Variants in SRRM2 observed in about 807,000 individuals in gnomAD.
SRRM2 encodes the protein serine/arginine repetitive matrix 2.
SRRM2 carries 30 observed loss-of-function variants against 213.8 expected under a neutral mutation model. The ratio of observed to expected loss-of-function variants is 0.14; its 90% confidence interval spans 0.10 to 0.19. The LOEUF is 0.19. SRRM2 is among the 10% of genes least tolerant of loss of function. SRRM2 has a pLI of 1.00. For synonymous variants in SRRM2, 2,025 were observed against 1,377.7 expected, an observed-to-expected ratio of 1.47 and a Z score of -10.40; for missense variants, 4,904 against 3,647.0, an observed-to-expected ratio of 1.34 and a Z score of -8.88.
At chr16:2,753,629 CAT>C (rs767893757) in intron 1 of SRRM2, 3 of 152,186 alleles carry the variant, frequency 2.0e-5, no homozygotes, top group East Asian at 1.9e-4. Flanking sequence ...ACGCCAGACT[CAT>C]ATATAAGTTT....
intron 1 of SRRM2, among the ~76,000 whole-genome samples, chr16:2,754,204 T>A (rs1423041504): frequency 6.6e-6 from 1 of 152,154 alleles, no homozygotes; most frequent in East Asian, 1.9e-4. Flanking sequence ...GTCGTCGTCT[T>A]TTTTTGTGGG....
In SRRM2 at chr16:2,757,861, C is replaced by G. The variant is rs1224478693; in HGVS notation, c.431C>G (p.Ser144Cys). Residue 144 changes from serine to cysteine, a missense_variant, in exon 4 of 15, where the codon TCT becomes TGT. By Grantham distance (112) the Ser-to-Cys change is moderately radical. Coordinates refer to ENST00000301740, the MANE Select transcript of SRRM2 (RefSeq NM_016333.4). Reference protein sequence around the residue: ...RLRAAFGISDSYVDGSSFDPQ... With the variant: ...RLRAAFGISDCYVDGSSFDPQ... ...CGTGCTGCCTTTGGCATCAGTGATT[C>G]TTACGTAGATGGCAGCTCTTTTGAT... 6.2e-7 allele frequency: 1 copy of G among 1,614,136 alleles called. No individual in the cohort carries two copies. The highest frequency in any genetic ancestry group is 8.5e-7 in the Non-Finnish European group (1 of 1,180,014).
chr16:2,764,358 G>T lies in SRRM2; in HGVS notation c.3830G>T (p.Arg1277Met), dbSNP rs2150777121. 1.2e-6 allele frequency: 2 copies of T among 1,614,174 alleles called. No individual in the cohort carries two copies. Among genetic ancestry groups the T allele is most frequent in the Middle Eastern group, 1.6e-4 (1 of 6,062 alleles). Reference protein sequence around the residue: ...NFESSPEVEERPAVSLTLDQS... With the variant: ...NFESSPEVEEMPAVSLTLDQS... ...GAATCATCTCCTGAAGTAGAAGAAA[G>T]GCCTGCTGTGTCTTTGACTCTTGAT... The change falls in exon 11 of 15, where the codon AGG becomes ATG. Residue 1277 changes from arginine to methionine, a missense_variant. Coordinates refer to ENST00000301740, the MANE Select transcript of SRRM2 (RefSeq NM_016333.4).
Position 2,767,931 on chromosome 16 carries a change from C to G in SRRM2, c.7403C>G (p.Pro2468Arg). ...CGTTGTTTGATTGCCCAGACCACCC[C>G]TGTAGCAGGGTCTCAGTCCCTTTCC... ...QSRCLIAQTT[P>R]VAGSQSLSSG... Residue 2468 changes from proline (P) to arginine (R), a missense_variant, in exon 11 of 15, where the codon CCT (proline) becomes CGT (arginine). Pro to Arg is a moderately radical substitution (Grantham distance 103). Transcript: ENST00000301740. 6.2e-7 allele frequency: 1 copy of G among 1,614,216 alleles called. No homozygotes were observed. The highest frequency in any genetic ancestry group is 8.5e-7 in the Non-Finnish European group (1 of 1,180,040).
In SRRM2 at chr16:2,764,456, T is replaced by A. The variant is rs1291087043; in HGVS notation, c.3928T>A (p.Phe1310Ile). 8 of 1,612,958 alleles carry A rather than the reference T, an allele frequency of 5.0e-6. No individual in the cohort carries two copies. Among genetic ancestry groups the A allele is most frequent in the Non-Finnish European group, 6.8e-6 (8 of 1,179,734 alleles). Residue 1310 changes from phenylalanine to isoleucine, a missense_variant, in exon 11 of 15, where the codon TTT becomes ATT. Physicochemically the swap from Phe to Ile is conservative, Grantham distance 21. Transcript: ENST00000301740. ...GGCCTCATCTTGGGGTGGGCCACAT[T>A]TTTCTCCAGAACATAAAGAACTGTC... is the stretch of plus-strand genomic sequence containing the variant. Reference protein sequence around the residue: ...SMASSWGGPHFSPEHKELSNS... With the variant: ...SMASSWGGPHISPEHKELSNS...
In SRRM2 at chr16:2,765,722, TC is replaced by T; in HGVS notation, c.5198del (p.Pro1733ArgfsTer150). ...GCACCGGAGAAGTCCCTCAGTGTCT[TC>T]CCCGGAGCCAGCCGAAAAATCGAGG... Reference protein sequence around the residue: ...PRHRRSPSVSSPEPAEKSRSS... With the variant: ...PRHRRSPSVSXPEPAEKSRSS... On this transcript the variant is annotated frameshift_variant, in exon 11 of 15. Transcript: ENST00000301740. LOFTEE classifies it high-confidence loss of function. 6.2e-7 allele frequency: 1 copy of T among 1,614,010 alleles called. No homozygotes were observed. The highest frequency in any genetic ancestry group is 8.5e-7 in the Non-Finnish European group (1 of 1,180,010).
At position 2,763,988 on chromosome 16, in the gene SRRM2, T is replaced by C. The variant is rs1464161018; in HGVS notation, c.3460T>C (p.Leu1154=). The C allele has an allele frequency of 1.9e-6, 3 of 1,614,086 alleles. No individual in the cohort carries two copies. The highest frequency in any genetic ancestry group is 1.7e-6 in the Non-Finnish European group (2 of 1,180,054). ...SYPTVDSNSL[L]GQSRLETAES... Reference sequence around the variant, plus strand: ...TCCTACAGTGGACTCGAATTCTCTCTTGGGGCAGAGTAGATTGGAGACTGC... The same window carrying C: ...TCCTACAGTGGACTCGAATTCTCTCCTGGGGCAGAGTAGATTGGAGACTGC... The change falls in exon 11 of 15, where the codon TTG becomes CTG. Residue 1154 remains leucine, a synonymous_variant. Coordinates refer to ENST00000301740, the MANE Select transcript of SRRM2 (RefSeq NM_016333.4).
In SRRM2 at chr16:2,768,192, C is replaced by T. The variant is rs141595233; in HGVS notation, c.7664C>T (p.Ser2555Phe). Reference protein sequence around the residue: ...SSSSSSSSSSSSGSSSSDSEG... With the variant: ...SSSSSSSSSSFSGSSSSDSEG... ...TCATCGTCGTCGTCGTCCTCCTCCT[C>T]CTCTGGCTCCAGTTCTAGTGACTCA... is the stretch of plus-strand genomic sequence containing the variant. Residue 2555 changes from serine (S) to phenylalanine (F), a missense_variant, in exon 11 of 15, where the codon TCC (serine) becomes TTC (phenylalanine). Coordinates refer to ENST00000301740, the MANE Select transcript of SRRM2 (RefSeq NM_016333.4). The T allele has an allele frequency of 8.1e-6, 13 of 1,609,204 alleles. No individual in the cohort carries two copies. Among genetic ancestry groups the T allele is most frequent in the East Asian group, 2.2e-5 (1 of 44,878 alleles).
rs139531579 is a variant in SRRM2, at chr16:2,768,228, G to C, written c.7700G>C (p.Ser2567Thr). The C allele has an allele frequency of 1.3e-6, 2 of 1,574,488 alleles. No homozygotes were observed. Among genetic ancestry groups the C allele is most frequent in the Non-Finnish European group, 1.7e-6 (2 of 1,161,230 alleles). Residue 2567 changes from serine to threonine, a missense_variant, in exon 11 of 15, where the codon AGC becomes ACC. By Grantham distance (58) the Ser-to-Thr change is moderately conservative. Coordinates refer to ENST00000301740, the MANE Select transcript of SRRM2 (RefSeq NM_016333.4). ...GSSSSDSEGS[S>T]LPVQPEVALK... ...AGTTCTAGTGACTCAGAGGGCTCTAGCCTTCCTGTGCAACCTGAGGTGGCA... is the reference window on the plus strand; with the variant it reads ...AGTTCTAGTGACTCAGAGGGCTCTACCCTTCCTGTGCAACCTGAGGTGGCA...
chr16:2,757,650 C>G, intron 3 of SRRM2, 71 bp downstream of exon 3: 4 of 1,582,708 alleles, frequency 2.5e-6, no homozygotes, highest in Non-Finnish European at 3.4e-6. Context: ...CTGTCCTTTT[C>G]CTTACGTGGG....
In SRRM2 at chr16:2,763,717, T is replaced by C. The variant is rs967081819; in HGVS notation, c.3189T>C (p.Thr1063=). 1 of 1,614,172 alleles carries C rather than the reference T, an allele frequency of 6.2e-7. No homozygotes were observed. Among genetic ancestry groups the C allele is most frequent in the African/African-American group, 1.3e-5 (1 of 75,050 alleles). The part of the protein sequence containing the change: ...SSLQLKGQSQ[T]SPDHRSDTSS... ...TGCAACTGAAAGGACAATCTCAAACTTCACCAGACCACAGATCTGATACTT... is the reference window on the plus strand; with the variant it reads ...TGCAACTGAAAGGACAATCTCAAACCTCACCAGACCACAGATCTGATACTT... The change falls in exon 11 of 15, where the codon ACT becomes ACC. Residue 1063 remains threonine (T), a synonymous_variant. Coordinates refer to ENST00000301740, the MANE Select transcript of SRRM2 (RefSeq NM_016333.4).
In SRRM2 at chr16:2,757,820, G is replaced by C. The variant is rs142401631; in HGVS notation, c.390G>C (p.Lys130Asn). 6.2e-6 allele frequency: 10 copies of C among 1,613,998 alleles called. No individual in the cohort carries two copies. Among genetic ancestry groups the C allele is most frequent in the African/African-American group, 1.3e-5 (1 of 74,902 alleles). The change falls in exon 4 of 15, where the codon AAG (lysine) becomes AAC (asparagine). Residue 130 changes from lysine (K) to asparagine (N), a missense_variant. Transcript: ENST00000301740. ...ACCAGTTGGCAGAATTAAATGAGAA[G>C]AAGAATGAAAGACTCCGTGCTGCCT... ...ETHQLAELNE[K>N]KNERLRAAFG...
chr16:2,763,782 C>G lies in SRRM2; in HGVS notation c.3254C>G (p.Ser1085Cys), dbSNP rs753937224. 1.2e-6 allele frequency: 2 copies of G among 1,614,090 alleles called. No homozygotes were observed. Among genetic ancestry groups the G allele is most frequent in the Non-Finnish European group, 1.7e-6 (2 of 1,180,058 alleles). Residue 1085 changes from serine (S) to cysteine (C), a missense_variant, in exon 11 of 15, where the codon TCT (serine) becomes TGT (cysteine). Coordinates refer to ENST00000301740, the MANE Select transcript of SRRM2 (RefSeq NM_016333.4). The part of the protein sequence containing the change: ...EVRQSHSESP[S>C]LQSKSQTSPK... ...AGACAGAGTCATTCAGAATCACCAT[C>G]TCTGCAGAGCAAATCTCAAACATCA...
At position 2,770,412 on chromosome 16, in the gene SRRM2, G is replaced by A. The variant is rs774127640; in HGVS notation, c.8082G>A (p.Ser2694=). 2.2e-5 allele frequency: 35 copies of A among 1,610,950 alleles called. No individual in the cohort carries two copies. The highest frequency in any genetic ancestry group is 1.1e-4 in the African/African-American group (8 of 74,870). ...SLRDSRSLSY[S]PVERRRPSPQ... is the part of the protein sequence containing the mutation. Reference sequence around the variant, plus strand: ...GGGACTCTCGGTCCCTCAGCTACTCGCCTGTGGAGCGTCGCCGTCCCTCGC... The same window carrying A: ...GGGACTCTCGGTCCCTCAGCTACTCACCTGTGGAGCGTCGCCGTCCCTCGC... Residue 2694 remains serine, a synonymous_variant, in exon 13 of 15, where the codon TCG becomes TCA. Transcript: ENST00000301740.
chr16:2,762,331 G>A lies in SRRM2; in HGVS notation c.1803G>A (p.Arg601=). Residue 601 remains arginine, a synonymous_variant, in exon 11 of 15, where the codon AGG becomes AGA. Coordinates refer to ENST00000301740, the MANE Select transcript of SRRM2 (RefSeq NM_016333.4). ...GATCACGATCCAGAACTCCCACCAG[G>A]CGTAGGTCTCGGTCTAGAACACCAG... is the stretch of plus-strand genomic sequence containing the variant. ...RRRSRSRTPT[R]RRSRSRTPAR... 1.9e-6 allele frequency: 3 copies of A among 1,614,048 alleles called. No individual in the cohort carries two copies. The highest frequency in any genetic ancestry group is 2.5e-6 in the Non-Finnish European group (3 of 1,179,898).
In SRRM2 at chr16:2,756,560, G is replaced by A. The variant is rs757383037; in HGVS notation, c.196G>A (p.Val66Ile). The change falls in exon 2 of 15, where the codon GTC becomes ATC. Residue 66 changes from valine (V) to isoleucine (I), a missense_variant. Physicochemically the swap from Val to Ile is conservative, Grantham distance 29 (BLOSUM62 3). Transcript: ENST00000301740. ...DILDHERKRR[V>I]ELRCLELEEM... ...CCTGGACCACGAGCGCAAGCGGCGC[G>A]TCGAGCTGCGATGCCTCGAGCTGGA... is the stretch of plus-strand genomic sequence containing the variant. The A allele has an allele frequency of 3.7e-6, 6 of 1,614,046 alleles. No individual in the cohort carries two copies. The highest frequency in any genetic ancestry group is 3.3e-5 in the Admixed American group (2 of 60,014).
intron 9 of SRRM2, chr16:2,759,895 T>C (rs1176171628): frequency 5.4e-6 from 3 of 557,466 alleles, no homozygotes; most frequent in Admixed American, 3.3e-5. Context: ...CTGATGTATA[T>C]GGACTGCCAG....
chr16:2,755,861 C>A (rs1596260035), intron 1 of SRRM2, among the ~76,000 whole-genome samples: 1 of 152,020 alleles, frequency 6.6e-6, no homozygotes, highest in Admixed American at 6.6e-5. Context: ...GACTAGAGGC[C>A]GTTGGGTGCC....
chr16:2,767,928 C>T lies in SRRM2; in HGVS notation c.7400C>T (p.Thr2467Ile), dbSNP rs370568305. ...TCCCGTTGTTTGATTGCCCAGACCACCCCTGTAGCAGGGTCTCAGTCCCTT... is the reference window on the plus strand; with the variant it reads ...TCCCGTTGTTTGATTGCCCAGACCATCCCTGTAGCAGGGTCTCAGTCCCTT... ...DQSRCLIAQT[T>I]PVAGSQSLSS... The change falls in exon 11 of 15, where the codon ACC becomes ATC. Residue 2467 changes from threonine to isoleucine, a missense_variant. Transcript: ENST00000301740. 14 of 1,614,062 alleles carry T rather than the reference C, an allele frequency of 8.7e-6. No individual in the cohort carries two copies. The African/African-American group carries it at 1.7e-4, about 20-fold the overall frequency.
Sources: gnomAD v4.1 joint callset for allele counts (sites outside exome capture counted in the v4.1 genomes callset) on GRCh38, gnomAD v4.1.1 for gene constraint, MANE v1.5 for transcripts, NCBI Gene and HGNC (gene_info 2026-07-23, HGNC 2026-07-21) for gene names.